TTBK2: variants seen among roughly 807,000 people sequenced by gnomAD.
The protein encoded by TTBK2 is tau-tubulin kinase 2.
A neutral mutation model predicts 110.8 loss-of-function variants in TTBK2; 28 were observed. That is an observed-to-expected ratio of 0.25 (90% confidence interval 0.19 to 0.35). The LOEUF is 0.35. Ranked by LOEUF, TTBK2 falls within the 10% of genes least tolerant of loss-of-function variation. The probability of loss-of-function intolerance (pLI) is 1.00; values close to 1 mark genes in which losing one functional copy is unlikely to be tolerated. For missense variants in TTBK2, 1,369 were observed against 1,500.3 expected, an observed-to-expected ratio of 0.91 and a Z score of 1.45; for synonymous variants, 532 against 527.3, an observed-to-expected ratio of 1.01 and a Z score of -0.12.
intron 6 of TTBK2, among the ~76,000 whole-genome samples, chr15:42,821,643 C>T (rs1892300585): frequency 6.6e-6 from 1 of 151,490 alleles, no homozygotes; most frequent in African/African-American, 2.4e-5. Context: ...TTTAACCATT[C>T]TAACTGGTAG....
At chr15:42,860,701 C>T (rs1894124843) in intron 3 of TTBK2, among the ~76,000 whole-genome samples, 1 of 145,912 alleles carries the variant, frequency 6.9e-6, no homozygotes, top group South Asian at 2.2e-4. Flanking sequence ...CTTTACACTC[C>T]TGTTGCCCAG....
intron 1 of TTBK2, chr15:42,919,621 G>A: frequency 5.6e-6 from 1 of 177,432 alleles, no homozygotes; most frequent in Non-Finnish European, 1.1e-5. Context: ...ATTATTAGAA[G>A]TGTATAATAA....
chr15:42,881,801 G>A (rs904701881), intron 1 of TTBK2, among the ~76,000 whole-genome samples: 1 of 151,868 alleles, frequency 6.6e-6, no homozygotes, highest in Non-Finnish European at 1.5e-5. Flanking sequence ...AACCCAGGAG[G>A]TGGAGGTTGC....
intron 9 of TTBK2, among the ~76,000 whole-genome samples, chr15:42,807,254 G>A (rs1024739640): frequency 3.9e-5 from 6 of 152,130 alleles, no homozygotes; most frequent in Non-Finnish European, 5.9e-5. Flanking sequence ...GTAGCAGTGG[G>A]TGAACTGGTT....
At chr15:42,899,397 A>G (rs1044257925) in intron 1 of TTBK2, among the ~76,000 whole-genome samples, 9 of 151,500 alleles carry the variant, frequency 5.9e-5, no homozygotes, top group African/African-American at 2.2e-4. Flanking sequence ...GGAGTTCAAG[A>G]CCAGCCTGGC....
intron 14 of TTBK2, among the ~76,000 whole-genome samples, chr15:42,749,897 C>T (rs898548571): frequency 2.0e-5 from 3 of 152,142 alleles, no homozygotes; most frequent in Non-Finnish European, 2.9e-5. Flanking sequence ...GTCCTCAGCA[C>T]AGAGACAGTC....
At chr15:42,798,670 G>A (rs1323870795) in intron 9 of TTBK2, among the ~76,000 whole-genome samples, 1 of 152,168 alleles carries the variant, frequency 6.6e-6, no homozygotes, top group African/African-American at 2.4e-5. Flanking sequence ...AAGAAATTTT[G>A]GACTTATGGT....
intron 3 of TTBK2, among the ~76,000 whole-genome samples, chr15:42,866,238 G>A (rs1449661592): frequency 2.6e-5 from 4 of 151,958 alleles, no homozygotes; most frequent in African/African-American, 9.7e-5. Flanking sequence ...AGGGGTTCAG[G>A]ACCAGCCTGA....
At chr15:42,746,639 C>T (rs1456014736) in intron 14 of TTBK2, among the ~76,000 whole-genome samples, 2 of 152,134 alleles carry the variant, frequency 1.3e-5, no homozygotes, top group Non-Finnish European at 2.9e-5. Flanking sequence ...GCACATAAGA[C>T]AGAGAGTAAA....
chr15:42,791,545 T>A lies in TTBK2; in HGVS notation c.980+3099A>T, dbSNP rs865885913. On this transcript the variant is annotated intron_variant, in intron 10 of 14. Transcript: ENST00000267890. ...CTATTAAATTTTCACTTATGTCTAT[T>A]CTCCTTTGTGCACTTTTTAATATAT... Among the ~76,000 whole-genome samples the A allele has an allele frequency of 5.9e-5, 9 of 152,288 alleles. 1 individual carries two copies. The Middle Eastern group carries it at 0.017, about 288-fold the overall frequency.
At chr15:42,843,216 C>T (rs1051939612) in intron 3 of TTBK2, among the ~76,000 whole-genome samples, 15 of 152,182 alleles carry the variant, frequency 9.9e-5, no homozygotes, top group African/African-American at 3.4e-4. Context: ...ACAGGCCAAG[C>T]TGGCTATGGG....
chr15:42,810,570 AAG>A, intron 9 of TTBK2, 42 bp downstream of exon 9: 2 of 1,610,818 alleles, frequency 1.2e-6, no homozygotes, highest in Non-Finnish European at 1.7e-6. Flanking sequence ...AGCATAGACT[AAG>A]AGAGAAAATA....
intron 9 of TTBK2, among the ~76,000 whole-genome samples, chr15:42,799,580 G>A (rs985489284): frequency 3.9e-5 from 6 of 151,982 alleles, no homozygotes; most frequent in African/African-American, 1.2e-4. Context: ...CTATAGACAT[G>A]TGCCACCACG....
chr15:42,900,521 A>G (rs1478343629), intron 1 of TTBK2, among the ~76,000 whole-genome samples: 1 of 151,946 alleles, frequency 6.6e-6, no homozygotes, highest in Non-Finnish European at 1.5e-5. Context: ...TAGTTTGAGA[A>G]TAGCCTGGCC....
intron 1 of TTBK2, among the ~76,000 whole-genome samples, chr15:42,889,901 G>C (rs969407111): frequency 6.6e-6 from 1 of 151,666 alleles, no homozygotes; most frequent in Non-Finnish European, 1.5e-5. Context: ...AAAATTTTTC[G>C]CCACTCCAAC....
At chr15:42,841,458 G>T (rs1441007446) in intron 3 of TTBK2, among the ~76,000 whole-genome samples, 3 of 152,014 alleles carry the variant, frequency 2.0e-5, no homozygotes, top group Non-Finnish European at 4.4e-5. Flanking sequence ...CGATCTGCCC[G>T]CCTCAGCCTC....
intron 8 of TTBK2, among the ~76,000 whole-genome samples, chr15:42,811,075 C>T (rs1198127897): frequency 2.0e-5 from 3 of 152,148 alleles, no homozygotes; most frequent in East Asian, 1.9e-4. Context: ...ACTGCAGCCT[C>T]GACCTTTGAG....
chr15:42,834,516 C>A (rs1354102216), intron 4 of TTBK2, among the ~76,000 whole-genome samples: 1 of 151,838 alleles, frequency 6.6e-6, no homozygotes, highest in Non-Finnish European at 1.5e-5. Context: ...CAGTGTGGCA[C>A]CAAAAAATAA....
At chr15:42,818,806 GA>G (rs1892156775) in intron 6 of TTBK2, among the ~76,000 whole-genome samples, 1 of 148,080 alleles carries the variant, frequency 6.8e-6, no homozygotes, top group South Asian at 2.1e-4. Flanking sequence ...GTTTGTTTTT[GA>G]AACGGAGTCT....
Sources: allele counts gnomAD v4.1 joint callset (sites outside exome capture counted in the v4.1 genomes callset), GRCh38; gene constraint gnomAD v4.1.1; transcripts MANE v1.5; gene names NCBI Gene and HGNC (gene_info 2026-07-23, HGNC 2026-07-21).